Variants in SERINC5 observed in about 807,000 individuals in gnomAD.
The protein encoded by SERINC5 is serine incorporator 5.
A neutral mutation model predicts 63.1 loss-of-function variants in SERINC5; 41 were observed. That is an observed-to-expected ratio of 0.65 (90% CI 0.51 to 0.84). The LOEUF (loss-of-function observed/expected upper bound fraction) is 0.84. Among genes scored for constraint, SERINC5 ranks in the 40% least tolerant of loss-of-function variants. The pLI, the probability that SERINC5 is intolerant of heterozygous loss-of-function variation, is 0.00. For missense variants in SERINC5, 523 were observed against 573.0 expected, an observed-to-expected ratio of 0.91 and a Z score of 0.89; for synonymous variants, 222 against 215.2, an observed-to-expected ratio of 1.03 and a Z score of -0.28.
intron 1 of SERINC5, among the ~76,000 whole-genome samples, chr5:80,245,965 T>A (rs1580218490): frequency 4.3e-5 from 5 of 115,958 alleles, no homozygotes; most frequent in Admixed American, 1.9e-4. Context: ...GTCAGCTCTT[T>A]AAAAAAAAAA....
chr5:80,155,550 G>A (rs929579225), intron 8 of SERINC5, among the ~76,000 whole-genome samples: 12 of 122,218 alleles, frequency 9.8e-5, no homozygotes, highest in African/African-American at 3.6e-4. Flanking sequence ...TCCAGCCTGG[G>A]TGAAAGAGCA....
intron 4 of SERINC5, among the ~76,000 whole-genome samples, chr5:80,176,155 G>A (rs1308431318): frequency 6.6e-6 from 1 of 152,060 alleles, no homozygotes; most frequent in Admixed American, 6.6e-5. Context: ...CTCTAACCTG[G>A]GCAACAGAGC....
Position 80,235,136 on chromosome 5 carries a change from T to A in SERINC5, c.27+20760A>T, listed in dbSNP as rs567236750. Reference sequence around the variant, plus strand: ...AACCACCTTTCTACTTTCTATGATTTTGACTACTTTAGACACTTCATATGA... The same window carrying A: ...AACCACCTTTCTACTTTCTATGATTATGACTACTTTAGACACTTCATATGA... On this transcript the variant is annotated intron_variant, in intron 1 of 11. Coordinates refer to ENST00000507668, the MANE Select transcript of SERINC5 (RefSeq NM_001174072.3). Among the ~76,000 whole-genome samples, 14 of 152,330 alleles carry A rather than the reference T, an allele frequency of 9.2e-5. No homozygotes were observed. The East Asian group carries it at 2.7e-3, about 29-fold the overall frequency.
intron 11 of SERINC5, among the ~76,000 whole-genome samples, chr5:80,118,314 T>C (rs1463251750): frequency 1.3e-5 from 2 of 152,356 alleles, no homozygotes; most frequent in East Asian, 1.9e-4. Flanking sequence ...GAAATTAGGA[T>C]GTAGACGTCT....
chr5:80,156,702 T>C (rs1746542380), intron 8 of SERINC5, among the ~76,000 whole-genome samples: 4 of 152,196 alleles, frequency 2.6e-5, no homozygotes. Context: ...CTTTGAAAAT[T>C]GACATCTTTT....
rs1336939046 is a variant in SERINC5 at position 80,140,640 on chromosome 5, T to C, written c.*3023A>G. The C allele has an allele frequency of 1.0e-6, 1 of 985,238 alleles. No individual in the cohort carries two copies. The highest frequency in any genetic ancestry group is 1.7e-5 in the African/African-American group (1 of 57,218). 61.0% of individuals were successfully genotyped at this position (985,238 alleles called of 1,614,324 possible). A position where few individuals can be genotyped will look rare whatever the true frequency, so the allele number is the denominator to read the frequency against. ...AAAGCTAGACACAGTAAAGACGTGG[T>C]TGGGTTTCTGAAGGCTTATAATGGA... On this transcript the variant is annotated 3_prime_UTR_variant, in exon 12 of 12. Coordinates refer to ENST00000507668, the MANE Select transcript of SERINC5 (RefSeq NM_001174072.3).
intron 5 of SERINC5, among the ~76,000 whole-genome samples, chr5:80,171,536 A>C (rs77737053): frequency 0.018 from 2,817 of 152,274 alleles, 71 homozygotes; most frequent in Admixed American, 0.064. Flanking sequence ...ACATTAAAAA[A>C]AGTTAAATAG....
rs906992210 is a variant in SERINC5 at position 80,238,179 on chromosome 5, C to T, written c.27+17717G>A. ...GCAACCCTCATTCCTCCCCGCCCCC[C>T]ATCATAAGGAAATAATTTACAGCTT... On this transcript the variant is annotated intron_variant, in intron 1 of 11. Coordinates refer to ENST00000507668, the MANE Select transcript of SERINC5 (RefSeq NM_001174072.3). 2.3e-4 allele frequency among the ~76,000 whole-genome samples: 35 copies of T among 151,754 alleles called. 1 individual carries two copies. The highest frequency in any genetic ancestry group is 8.0e-4 in the African/African-American group (33 of 41,308).
intron 11 of SERINC5, among the ~76,000 whole-genome samples, chr5:80,120,218 AC>A (rs1744489549): frequency 6.6e-6 from 1 of 152,078 alleles, no homozygotes; most frequent in Non-Finnish European, 1.5e-5. Context: ...ATTTCCCAGC[AC>A]CCTTTGCAGC....
At chr5:80,186,330 G>A (rs1020058786) in intron 2 of SERINC5, among the ~76,000 whole-genome samples, 1 of 151,842 alleles carries the variant, frequency 6.6e-6, no homozygotes, top group African/African-American at 2.4e-5. Context: ...TAGATATGGG[G>A]TTTCACTATG....
intron 1 of SERINC5, chr5:80,255,230 T>A (rs2112627008): frequency 6.6e-6 from 1 of 152,400 alleles, no homozygotes; most frequent in East Asian, 1.9e-4. Context: ...AAAAAACAGG[T>A]TCGAACAAGT....
At position 80,125,708 on chromosome 5, in the gene SERINC5, G is replaced by A. The variant is rs116182152; in HGVS notation, c.1239-12083C>T. Among the ~76,000 whole-genome samples the A allele has an allele frequency of 6.1e-3, 923 of 152,318 alleles. 12 individuals carry two copies. Among genetic ancestry groups the A allele is most frequent in the African/African-American group, 0.021 (866 of 41,572 alleles). On this transcript the variant is annotated intron_variant, in intron 11 of 12. Transcript: ENST00000509193. Reference sequence around the variant, plus strand: ...TCCGATGATGGGAAGACTCAGCTGGGCAGTTGCTGCATTAACTGTGGAGTT... The same window carrying A: ...TCCGATGATGGGAAGACTCAGCTGGACAGTTGCTGCATTAACTGTGGAGTT...
intron 1 of SERINC5, among the ~76,000 whole-genome samples, chr5:80,243,474 CTG>C (rs1752036250): frequency 6.6e-6 from 1 of 151,900 alleles, no homozygotes; most frequent in Admixed American, 6.6e-5. Flanking sequence ...CTCCCCAGCA[CTG>C]GACAGATTCA....
intron 1 of SERINC5, among the ~76,000 whole-genome samples, chr5:80,225,921 G>A (rs1290984234): frequency 3.9e-5 from 6 of 152,110 alleles, no homozygotes; most frequent in Non-Finnish European, 7.3e-5. Context: ...TGGTAACCAA[G>A]GAGATCCTTC....
At chr5:80,201,030 C>T (rs1195901771) in intron 2 of SERINC5, among the ~76,000 whole-genome samples, 1 of 151,994 alleles carries the variant, frequency 6.6e-6, no homozygotes, top group Non-Finnish European at 1.5e-5. Flanking sequence ...ACCTGGGAGG[C>T]GGAGGCTGCA....
At chr5:80,238,103 C>CAAAAAAAAAAAAAA (rs759062486) in intron 1 of SERINC5, among the ~76,000 whole-genome samples, 4 of 65,642 alleles carry the variant, frequency 6.1e-5, no homozygotes, top group Non-Finnish European at 1.2e-4. Flanking sequence ...GACTCTGTCT[C>CAAAAAAAAAAAAAA]AAAAAAAAAA....
At chr5:80,245,438 C>T (rs1208148929) in intron 1 of SERINC5, among the ~76,000 whole-genome samples, 1 of 152,104 alleles carries the variant, frequency 6.6e-6, no homozygotes, top group African/African-American at 2.4e-5. Context: ...ATAAAAGGTG[C>T]AAAGCTGAGG....
At chr5:80,128,248 A>G (rs1449482251) in intron 11 of SERINC5, 1 of 152,230 alleles carries the variant, frequency 6.6e-6, no homozygotes, top group African/African-American at 2.4e-5. Context: ...TTCCTGCCGT[A>G]AAACATGCAA....
chr5:80,126,171 G>A (rs555671879), intron 11 of SERINC5, among the ~76,000 whole-genome samples: 8 of 152,288 alleles, frequency 5.3e-5, no homozygotes, highest in Admixed American at 5.2e-4. Context: ...ATTCAGTCTT[G>A]ACCACCAAGT....
Sources: allele counts gnomAD v4.1 joint callset (sites outside exome capture counted in the v4.1 genomes callset), GRCh38; gene constraint gnomAD v4.1.1; transcripts MANE v1.5; gene names NCBI Gene and HGNC (gene_info 2026-07-23, HGNC 2026-07-21).